Variants in SATB1 observed in about 807,000 individuals in gnomAD.
SATB1 encodes SATB homeobox 1.
A neutral mutation model predicts 86.9 loss-of-function variants in SATB1; 11 were observed. The ratio of observed to expected loss-of-function variants is 0.13; its 90% CI spans 0.08 to 0.21. The LOEUF (loss-of-function observed/expected upper bound fraction) is 0.21. Among genes scored for constraint, SATB1 ranks in the 10% least tolerant of loss-of-function variants. SATB1 has a pLI of 1.00. For missense variants in SATB1, 551 were observed against 937.6 expected (o/e 0.59, Z 5.39); for synonymous variants, 357 against 357.2 (o/e 1.00, Z 0.01).
chr3:18,379,622 G>A (rs1695941518), intron 8 of SATB1, among the ~76,000 whole-genome samples: 1 of 152,190 alleles, frequency 6.6e-6, no homozygotes, highest in Admixed American at 6.5e-5. Flanking sequence ...AATATTCAGT[G>A]ATTCAATTCT....
At chr3:18,351,651 T>C (rs962633772) in intron 10 of SATB1, 3 of 503,938 alleles carry the variant, frequency 6.0e-6, no homozygotes, top group African/African-American at 3.8e-5. Context: ...AATTAAAAAA[T>C]AGGTGGTGTT....
At chr3:18,351,836 T>A (rs1694377945) in intron 10 of SATB1, 156 bp downstream of exon 10, 3 of 670,970 alleles carry the variant, frequency 4.5e-6, no homozygotes, top group Non-Finnish European at 7.7e-6. Context: ...ATGTTAATAT[T>A]CATTTTATCC....
upstream of SATB1, chr3:18,425,443 G>A (rs1202297663): frequency 6.6e-6 from 1 of 151,530 alleles, no homozygotes; most frequent in Non-Finnish European, 1.5e-5. Context: ...GGTGCACGGA[G>A]CGGGCGGAAA....
chr3:18,440,938 G>A (rs1699227387), upstream of SATB1, among the ~76,000 whole-genome samples: 1 of 152,082 alleles, frequency 6.6e-6, no homozygotes, highest in Non-Finnish European at 1.5e-5. Context: ...AAATATCATA[G>A]AACTTAATCC....
At chr3:18,407,108 C>T (rs920918679) in intron 5 of SATB1, among the ~76,000 whole-genome samples, 3 of 151,962 alleles carry the variant, frequency 2.0e-5, no homozygotes, top group Non-Finnish European at 2.9e-5. Context: ...GGAGTACAGG[C>T]GAAGTTAGTT....
chr3:18,351,323 G>A (rs867504160), intron 10 of SATB1: 1 of 1,546,198 alleles, frequency 6.5e-7, no homozygotes. Flanking sequence ...CTGAGGAGCA[G>A]CACCGAGCCA....
chr3:18,370,407 C>T (rs1432724830), intron 9 of SATB1, among the ~76,000 whole-genome samples: 1 of 151,214 alleles, frequency 6.6e-6, no homozygotes, highest in Non-Finnish European at 1.5e-5. Flanking sequence ...AGAGCCATCC[C>T]CAACTCCCCA....
chr3:18,443,170 G>C (rs958794677), upstream of SATB1, among the ~76,000 whole-genome samples: 5 of 152,294 alleles, frequency 3.3e-5, no homozygotes, highest in African/African-American at 1.2e-4. This position sits in a 1 kb window ranked among gnomAD's most constrained non-coding sequence, Gnocchi z 4.4. Context: ...TCTGTCAGCA[G>C]TACAAACACC....
At chr3:18,369,572 T>G (rs1360044643) in intron 9 of SATB1, among the ~76,000 whole-genome samples, 3 of 152,170 alleles carry the variant, frequency 2.0e-5, no homozygotes, top group African/African-American at 7.2e-5. Flanking sequence ...AAATTTTAGT[T>G]ACACCACATG....
intron 5 of SATB1, chr3:18,410,729 T>G (rs1697791537): frequency 4.2e-6 from 1 of 239,416 alleles, no homozygotes; most frequent in African/African-American, 2.2e-5. Context: ...TGATGCTGGC[T>G]ATTCTCTTAA....
chr3:18,382,492 C>T (rs1052965659), intron 8 of SATB1, among the ~76,000 whole-genome samples: 7 of 152,136 alleles, frequency 4.6e-5, no homozygotes, highest in Admixed American at 2.0e-4. Context: ...GTAAAATATA[C>T]AATTCTCAGA....
intron 4 of SATB1, among the ~76,000 whole-genome samples, chr3:18,415,767 G>A (rs1021829702): frequency 6.6e-6 from 1 of 151,860 alleles, no homozygotes; most frequent in Non-Finnish European, 1.5e-5. Flanking sequence ...AAAAAGTCTT[G>A]TCTTTTGATA....
At position 18,444,501 on chromosome 3, in the gene SATB1, G is replaced by A; in HGVS notation, c.-25+1017C>T. 1 of 830,584 alleles carries A rather than the reference G, an allele frequency of 1.2e-6. No individual in the cohort carries two copies. 51.5% of individuals were successfully genotyped at this position (830,584 alleles called of 1,614,324 possible). A position where few individuals can be genotyped will look rare whatever the true frequency, so the allele number is the denominator to read the frequency against. On this transcript the variant is annotated intron_variant, in intron 1 of 3. Transcript: ENST00000415069. This position sits in a 1 kb window ranked among gnomAD's most constrained non-coding sequence, Gnocchi z 5.1. Reference sequence around the variant, plus strand: ...GCCCAGCCGCCCCAATAGGGGACGAGGAGTGGGTGCTACGGAGAAGTTTGG... The same window carrying A: ...GCCCAGCCGCCCCAATAGGGGACGAAGAGTGGGTGCTACGGAGAAGTTTGG...
chr3:18,414,953 C>T, intron 5 of SATB1, 158 bp downstream of exon 5: 1 of 703,188 alleles, frequency 1.4e-6, no homozygotes, highest in Non-Finnish European at 2.4e-6. Context: ...CACAAGGAAT[C>T]AGGCATATTT....
chr3:18,423,452 A>T (rs187907034), intron 1 of SATB1, among the ~76,000 whole-genome samples, 175 bp downstream of exon 1: 2 of 152,200 alleles, frequency 1.3e-5, no homozygotes, highest in East Asian at 3.9e-4. Flanking sequence ...TCGCCCCCAC[A>T]CAACCCCATA....
At chr3:18,417,917 G>T (rs1344479789) in intron 2 of SATB1, among the ~76,000 whole-genome samples, 1 of 152,098 alleles carries the variant, frequency 6.6e-6, no homozygotes, top group African/African-American at 2.4e-5. Flanking sequence ...ATCCAATACA[G>T]TAACTCAGTA....
chr3:18,392,512 C>T (rs1347985242), intron 7 of SATB1, among the ~76,000 whole-genome samples: 2 of 151,878 alleles, frequency 1.3e-5, no homozygotes, highest in Non-Finnish European at 1.5e-5. Flanking sequence ...GAAATAACTG[C>T]TCAATTTTTA....
chr3:18,410,909 A>T (rs1697802578), intron 5 of SATB1: 2 of 388,414 alleles, frequency 5.1e-6, no homozygotes, highest in African/African-American at 4.1e-5. Context: ...TAAACACCTA[A>T]GTGTATTTAA....
intron 5 of SATB1, among the ~76,000 whole-genome samples, chr3:18,408,259 G>A (rs11918775): frequency 0.06 from 9,148 of 151,938 alleles, 651 homozygotes; most frequent in African/African-American, 0.17. Context: ...CACCTTCTCT[G>A]CCATGAGGAA....
Sources: allele counts gnomAD v4.1 joint callset (sites outside exome capture counted in the v4.1 genomes callset), GRCh38; gene constraint gnomAD v4.1.1; non-coding constraint Gnocchi (gnomAD v3.1); transcripts MANE v1.5; gene names NCBI Gene and HGNC (gene_info 2026-07-23, HGNC 2026-07-21).